AGBL1: variants seen among roughly 807,000 people sequenced by gnomAD.
AGBL1 encodes the protein AGBL carboxypeptidase 1, also known as cytosolic carboxypeptidase 4.
AGBL1 carries 130 observed loss-of-function variants against 118.9 expected under a neutral mutation model. The observed-to-expected ratio is 1.09, with a 90% CI of 0.95 to 1.26. The LOEUF (loss-of-function observed/expected upper bound fraction) is 1.26. Ranked by LOEUF, AGBL1 falls within the 50% of genes most tolerant of loss-of-function variation. AGBL1 has a pLI of 0.00. For synonymous variants in AGBL1, 555 were observed against 478.9 expected, an observed-to-expected ratio of 1.16 and a Z score of -2.08; for missense variants, 1,584 against 1,298.1, an observed-to-expected ratio of 1.22 and a Z score of -3.38.
intron 1 of AGBL1, among the ~76,000 whole-genome samples, chr15:86,141,541 C>T (rs533470027): frequency 3.9e-5 from 6 of 152,324 alleles, no homozygotes; most frequent in African/African-American, 1.4e-4. Flanking sequence ...GCCCCAGTTA[C>T]TTGGCAGGCT....
intron 15 of AGBL1, among the ~76,000 whole-genome samples, chr15:86,276,985 G>A (rs1459680981): frequency 6.6e-6 from 1 of 152,166 alleles, no homozygotes; most frequent in African/African-American, 2.4e-5. Flanking sequence ...TGGAAGCAGA[G>A]TCATCTCCTG....
intron 21 of AGBL1, among the ~76,000 whole-genome samples, chr15:86,629,666 C>A (rs929460466): frequency 1.3e-5 from 2 of 152,154 alleles, no homozygotes; most frequent in African/African-American, 4.8e-5. Flanking sequence ...TGCATTTAGT[C>A]ATTTTTATAG....
chr15:86,809,699 A>AT (rs2078762894), intron 22 of AGBL1, among the ~76,000 whole-genome samples: 2 of 152,138 alleles, frequency 1.3e-5, no homozygotes, highest in Admixed American at 1.3e-4. Context: ...ATATTGGGTC[A>AT]TTTTCTAGAG....
chr15:86,764,616 T>G (rs951149618), intron 22 of AGBL1, among the ~76,000 whole-genome samples: 1 of 152,080 alleles, frequency 6.6e-6, no homozygotes, highest in African/African-American at 2.4e-5. Flanking sequence ...ATAAAGGCGT[T>G]GTTTATGATC....
intron 21 of AGBL1, among the ~76,000 whole-genome samples, chr15:86,669,295 T>C (rs1195428926): frequency 6.6e-6 from 1 of 152,122 alleles, no homozygotes; most frequent in Non-Finnish European, 1.5e-5. Flanking sequence ...TGAATGAGTT[T>C]ACAAGTAGAT....
At chr15:86,550,142 G>A (rs1182717212) in intron 20 of AGBL1, among the ~76,000 whole-genome samples, 1 of 151,928 alleles carries the variant, frequency 6.6e-6, no homozygotes, top group Non-Finnish European at 1.5e-5. Context: ...CATGTAATGG[G>A]AGGCCCAAAA....
intron 21 of AGBL1, among the ~76,000 whole-genome samples, chr15:86,643,052 G>A (rs1000812153): frequency 2.6e-5 from 4 of 152,002 alleles, no homozygotes; most frequent in Admixed American, 6.6e-5. Context: ...CTGACTTCTG[G>A]GGTGGCAAAC....
chr15:86,184,035 TGG>T (rs1370205608), intron 5 of AGBL1, among the ~76,000 whole-genome samples: 7 of 152,214 alleles, frequency 4.6e-5, no homozygotes, highest in African/African-American at 1.7e-4. Context: ...AGCCACAAGC[TGG>T]TGTACACATT....
chr15:86,536,268 A>G (rs568176883), intron 19 of AGBL1, among the ~76,000 whole-genome samples: 2 of 152,314 alleles, frequency 1.3e-5, no homozygotes, highest in South Asian at 2.1e-4. Flanking sequence ...AGTGTCTTCA[A>G]TGTAGTTTCT....
chr15:86,419,274 C>T (rs1009940555), intron 18 of AGBL1, among the ~76,000 whole-genome samples: 1 of 151,956 alleles, frequency 6.6e-6, no homozygotes, highest in African/African-American at 2.4e-5. Flanking sequence ...TCATCTTCAT[C>T]TCATTGGGAC....
chr15:86,901,970 G>A (rs60314130), intron 22 of AGBL1, among the ~76,000 whole-genome samples: 4,875 of 152,034 alleles, frequency 0.032, 254 homozygotes, highest in African/African-American at 0.11. Context: ...TGGCTGAGTC[G>A]TTTTTCCTGG....
chr15:86,343,453 C>G lies in AGBL1; in HGVS notation c.2374+48045C>G, dbSNP rs547770789. ...GCCCCAGGATCCTGTACTATCCTTG[C>G]TGATTTCTCCAGTTTCATGTGCTGT... On this transcript the variant is annotated intron_variant, in intron 17 of 22. Coordinates refer to ENST00000614907, the MANE Select transcript of AGBL1 (RefSeq NM_001386094.1). Among the ~76,000 whole-genome samples the G allele has an allele frequency of 2.6e-5, 4 of 152,224 alleles. No homozygotes were observed. In the East Asian group the frequency reaches 7.7e-4, roughly 29 times the overall value.
chr15:86,763,449 T>C (rs2078055089), intron 22 of AGBL1, among the ~76,000 whole-genome samples: 1 of 151,962 alleles, frequency 6.6e-6, no homozygotes, highest in African/African-American at 2.4e-5. Context: ...TATACTCACT[T>C]TAGTGAAAAA....
In AGBL1 at chr15:86,863,160, TG is replaced by T. The variant is rs556053286; in HGVS notation, c.3159-43925del. On this transcript the variant is annotated intron_variant, in intron 22 of 22. Transcript: ENST00000614907. ...AGCATGTGGATATATGGGTGCTGCA[TG>T]GTGATAGATAATGCCATAGATAAAT... Among the ~76,000 whole-genome samples, 7 of 152,300 alleles carry T rather than the reference TG, an allele frequency of 4.6e-5. No individual in the cohort carries two copies. The South Asian group carries it at 1.5e-3, about 32-fold the overall frequency.
intron 22 of AGBL1, among the ~76,000 whole-genome samples, chr15:86,701,737 C>G (rs1483344328): frequency 1.4e-5 from 2 of 145,670 alleles, no homozygotes; most frequent in Non-Finnish European, 3.0e-5. Flanking sequence ...CTCCACTCCT[C>G]TCTCCTTCCT....
intron 23 of AGBL1, among the ~76,000 whole-genome samples, chr15:86,979,688 A>C (rs2081210102): frequency 6.6e-6 from 1 of 152,108 alleles, no homozygotes; most frequent in African/African-American, 2.4e-5. Flanking sequence ...TATTTTTAGT[A>C]GAGATAGGGT....
intron 1 of AGBL1, among the ~76,000 whole-genome samples, chr15:86,120,422 T>A (rs1898025736): frequency 6.6e-6 from 1 of 152,180 alleles, no homozygotes; most frequent in South Asian, 2.1e-4. Context: ...AAAGATGGTG[T>A]CCCCTCCTGG....
intron 23 of AGBL1, among the ~76,000 whole-genome samples, chr15:86,944,897 T>C (rs879518): frequency 0.46 from 69,743 of 151,990 alleles, 18,775 homozygotes; most frequent in Non-Finnish European, 0.61. Context: ...GGGTTTTCTC[T>C]AAATACTTAC....
intron 23 of AGBL1, among the ~76,000 whole-genome samples, chr15:86,979,990 C>G (rs2081213683): frequency 6.6e-6 from 1 of 152,160 alleles, no homozygotes; most frequent in Non-Finnish European, 1.5e-5. Context: ...CTTTCTTTTC[C>G]CTTCCTCTCC....
Sources: gnomAD v4.1 joint callset for allele counts (sites outside exome capture counted in the v4.1 genomes callset) on GRCh38, gnomAD v4.1.1 for gene constraint, MANE v1.5 for transcripts, NCBI Gene and HGNC (gene_info 2026-07-23, HGNC 2026-07-21) for gene names.